Variants in CNOT1 observed in about 807,000 individuals in gnomAD.
CNOT1 encodes CCR4-NOT transcription complex subunit 1.
CNOT1 carries 15 observed loss-of-function variants against 273.8 expected under a neutral mutation model. The observed-to-expected ratio is 0.05, with a 90% CI of 0.04 to 0.08. The LOEUF (loss-of-function observed/expected upper bound fraction) is 0.08, where lower values mean the gene tolerates loss of function less well. Ranked by LOEUF, CNOT1 falls within the 10% of genes least tolerant of loss-of-function variation. The pLI is 1.00. For missense variants in CNOT1, 1,644 were observed against 2,912.2 expected (o/e 0.56, Z 10.02); for synonymous variants, 1,022 against 1,005.5 (o/e 1.02, Z -0.31).
intron 1 of CNOT1, among the ~76,000 whole-genome samples, chr16:58,622,108 C>G (rs12926634): frequency 1.3e-5 from 2 of 149,446 alleles, no homozygotes; most frequent in Non-Finnish European, 3.0e-5. Context: ...GTCAGGAGAT[C>G]GAGACCATCC....
At chr16:58,563,147 C>A (rs553374118) in intron 16 of CNOT1, among the ~76,000 whole-genome samples, 1 of 152,274 alleles carries the variant, frequency 6.6e-6, no homozygotes, top group South Asian at 2.1e-4. Context: ...CAGTCCCATA[C>A]CACATAATGA....
chr16:58,581,062 TAAAAG>T (rs1353220517), intron 11 of CNOT1, among the ~76,000 whole-genome samples: 1 of 115,392 alleles, frequency 8.7e-6, no homozygotes, highest in African/African-American at 3.6e-5. Context: ...CCTTGACTGT[TAAAAG>T]ACATTTCTGA....
chr16:58,574,444 T>G (rs1463763637), intron 16 of CNOT1, among the ~76,000 whole-genome samples, 165 bp downstream of exon 16: 1 of 149,566 alleles, frequency 6.7e-6, no homozygotes, highest in African/African-American at 2.5e-5. Context: ...AAACCTTAAC[T>G]CAAATGGATC....
chr16:58,567,302 A>G (rs2041080188), intron 16 of CNOT1, among the ~76,000 whole-genome samples: 1 of 152,002 alleles, frequency 6.6e-6, no homozygotes, highest in African/African-American at 2.4e-5. Flanking sequence ...TGGGTAATAG[A>G]GTGAGACTAT....
intron 20 of CNOT1, 21 bp downstream of exon 20, chr16:58,555,763 T>A: frequency 6.2e-7 from 1 of 1,613,028 alleles, no homozygotes; most frequent in Non-Finnish European, 8.5e-7. Context: ...AATAAATAAG[T>A]AGATCATCCT....
intron 2 of CNOT1, among the ~76,000 whole-genome samples, chr16:58,596,298 T>C (rs2042246684): frequency 6.6e-6 from 1 of 152,160 alleles, no homozygotes. Context: ...TCTGCAGTCC[T>C]TCCTTCTAGG....
chr16:58,615,860 T>C (rs944533846), intron 1 of CNOT1, among the ~76,000 whole-genome samples: 2 of 122,030 alleles, frequency 1.6e-5, no homozygotes, highest in South Asian at 4.8e-4. Context: ...GAAGGGAGGA[T>C]GGCTTGGGAC....
chr16:58,534,062 C>A, intron 40 of CNOT1, 85 bp downstream of exon 40: 1 of 1,223,548 alleles, frequency 8.2e-7, no homozygotes, highest in South Asian at 3.8e-5. Flanking sequence ...CTCAAAGAAA[C>A]AATATAAAAA....
intron 12 of CNOT1, among the ~76,000 whole-genome samples, 173 bp from the exon 13 acceptor site, chr16:58,579,112 T>C (rs1015928536): frequency 6.6e-6 from 1 of 152,084 alleles, no homozygotes; most frequent in African/African-American, 2.4e-5. Context: ...CCCCAAGAGG[T>C]TGAAACTGGT....
chr16:58,520,119 A>G lies in CNOT1; in HGVS notation c.*839T>C, dbSNP rs1463644050. 1.3e-5 allele frequency: 2 copies of G among 152,238 alleles called. No individual in the cohort carries two copies. The highest frequency in any genetic ancestry group is 2.9e-5 in the Non-Finnish European group (2 of 68,042). 9.4% of individuals were successfully genotyped at this position (152,238 alleles called of 1,614,324 possible). ...TATTGGTCCTTTCAACTTTGTCATT[A>G]TTCAGCTTAGCCTGTATGGCCATTC... On this transcript the variant is annotated 3_prime_UTR_variant, in exon 49 of 49. Transcript: ENST00000317147.
intron 22 of CNOT1, among the ~76,000 whole-genome samples, chr16:58,552,171 G>A (rs2040471352): frequency 6.6e-6 from 1 of 151,566 alleles, no homozygotes; most frequent in Non-Finnish European, 1.5e-5. Flanking sequence ...AGAAACCAAA[G>A]GCCTTAAAAA....
intron 25 of CNOT1, among the ~76,000 whole-genome samples, 165 bp downstream of exon 25, chr16:58,549,554 T>C (rs1193785106): frequency 6.6e-6 from 1 of 152,184 alleles, no homozygotes; most frequent in Admixed American, 6.5e-5. Flanking sequence ...AAATTTAAGT[T>C]CTGCATAAAA....
intron 24 of CNOT1, 55 bp downstream of exon 24, chr16:58,551,077 C>T: frequency 2.5e-6 from 4 of 1,593,322 alleles, no homozygotes; most frequent in African/African-American, 2.7e-5. Context: ...ACTATACATC[C>T]TTTAGTCCAT....
In CNOT1 at chr16:58,601,737, A is replaced by T. The variant is rs1037670957; in HGVS notation, c.-174-2226T>A. ...TGCTAGTGCTCCATACCCACCTTAA[A>T]AAAAAAAAAAAAAAAAAGCCTGTGC... On this transcript the variant is annotated intron_variant, in intron 1 of 48. Transcript: ENST00000317147. Among the ~76,000 whole-genome samples, 211 of 60,452 alleles carry T rather than the reference A, an allele frequency of 3.5e-3. 1 individual carries two copies. Among genetic ancestry groups the T allele is most frequent in the Middle Eastern group, 0.026 (3 of 114 alleles). 39.7% of individuals were successfully genotyped at this position (60,452 alleles called of 152,430 possible).
At chr16:58,606,376 G>A (rs2042674583) in intron 1 of CNOT1, among the ~76,000 whole-genome samples, 2 of 127,836 alleles carry the variant, frequency 1.6e-5, no homozygotes, top group African/African-American at 6.1e-5. Context: ...GCAATACAGT[G>A]AGACCCCGTC....
intron 1 of CNOT1, among the ~76,000 whole-genome samples, chr16:58,616,733 T>C (rs1156311913): frequency 6.6e-6 from 1 of 152,168 alleles, no homozygotes; most frequent in Non-Finnish European, 1.5e-5. Flanking sequence ...TTTGGCAGCA[T>C]TTTTTTCAAT....
intron 16 of CNOT1, among the ~76,000 whole-genome samples, chr16:58,561,831 G>C (rs2040852260): frequency 6.6e-6 from 1 of 152,120 alleles, no homozygotes. Flanking sequence ...TCAAAGAAGG[G>C]ATACTCAATC....
intron 16 of CNOT1, among the ~76,000 whole-genome samples, chr16:58,573,372 A>G (rs2041346656): frequency 6.6e-6 from 1 of 152,006 alleles, no homozygotes; most frequent in Non-Finnish European, 1.5e-5. Context: ...AAAACATCCC[A>G]GATTCACGGA....
rs1403730574 is a variant in CNOT1 at position 58,520,238 on chromosome 16, G to C, written c.*720C>G. ...TTTTTAAGTTTCAGGAGAGGATTGG[G>C]GGGGTGAGGGTAGGGGTGGGCTTTA... is the stretch of plus-strand genomic sequence containing the variant. On this transcript the variant is annotated 3_prime_UTR_variant, in exon 49 of 49. Transcript: ENST00000317147. The C allele has an allele frequency of 1.1e-5, 1 of 94,542 alleles. No homozygotes were observed. Among genetic ancestry groups the C allele is most frequent in the Non-Finnish European group, 2.0e-5 (1 of 50,286 alleles). The allele number at this position is 94,542 out of a possible 1,614,324, so 5.9% of individuals were successfully genotyped here. A position where few individuals can be genotyped will look rare whatever the true frequency, so the allele number is the denominator to read the frequency against.
Sources: gnomAD v4.1 joint callset for allele counts (sites outside exome capture counted in the v4.1 genomes callset) on GRCh38, gnomAD v4.1.1 for gene constraint, MANE v1.5 for transcripts, NCBI Gene and HGNC (gene_info 2026-07-23, HGNC 2026-07-21) for gene names.